Variants in TET3 observed in about 807,000 individuals in gnomAD.
The protein encoded by TET3 is tet methylcytosine dioxygenase 3.
In TET3, 19 loss-of-function variants were observed where a neutral mutation model predicts 141.4. The ratio of observed to expected loss-of-function variants is 0.13; its 90% CI spans 0.09 to 0.20. TET3 has a LOEUF of 0.20. Among genes scored for constraint, TET3 ranks in the 10% least tolerant of loss-of-function variants. The probability of loss-of-function intolerance (pLI) is 1.00; values close to 1 mark genes in which losing one functional copy is unlikely to be tolerated. For synonymous variants in TET3, 1,043 were observed against 980.9 expected (o/e 1.06, Z -1.18); for missense variants, 1,874 against 2,356.9 (o/e 0.80, Z 4.24).
At chr2:74,086,030 C>A (rs1317270815) in intron 6 of TET3, among the ~76,000 whole-genome samples, 1 of 152,218 alleles carries the variant, frequency 6.6e-6, no homozygotes, top group African/African-American at 2.4e-5. Flanking sequence ...TCTTGCCCTT[C>A]TCCCGATTTT....
intron 4 of TET3, among the ~76,000 whole-genome samples, chr2:74,070,587 C>T (rs941172283): frequency 1.8e-4 from 28 of 152,268 alleles, no homozygotes; most frequent in African/African-American, 3.4e-4. Flanking sequence ...ATTTTCATTG[C>T]GGAATATATT....
intron 6 of TET3, among the ~76,000 whole-genome samples, chr2:74,086,998 G>A (rs976776175): frequency 2.0e-5 from 3 of 151,804 alleles, no homozygotes; most frequent in African/African-American, 7.3e-5. Flanking sequence ...CCAGGCCCTC[G>A]TAAGCTCTAA....
At position 73,986,487 on chromosome 2, in the gene TET3, G is replaced by A. The variant is rs951080715; in HGVS notation, c.84G>A (p.Gly28=). 1 of 1,232,210 alleles carries A rather than the reference G, an allele frequency of 8.1e-7. No individual in the cohort carries two copies. The highest frequency in any genetic ancestry group is 1.0e-6 in the Non-Finnish European group (1 of 988,036). The allele number at this position is 1,232,210 out of a possible 1,614,324, so 76.3% of individuals were successfully genotyped here. A position where few individuals can be genotyped will look rare whatever the true frequency, so the allele number is the denominator to read the frequency against. ...YDFPQRQVMV[G]SFPGSGLSMA... The stretch of plus-strand genomic sequence containing the variant: ...TCCCTCAGCGCCAGGTGATGGTAGG[G>A]AGCTTCCCGGGGTCTGGGCTCTCCA... Residue 28 remains glycine (G), a synonymous_variant, in exon 2 of 12, where the codon GGG becomes GGA. Transcript: ENST00000409262.
At chr2:74,049,805 A>G (rs1687843879) in intron 4 of TET3, among the ~76,000 whole-genome samples, 1 of 152,146 alleles carries the variant, frequency 6.6e-6, no homozygotes. Context: ...AAGGAGTCAC[A>G]TGCAGAACAA....
intron 6 of TET3, among the ~76,000 whole-genome samples, chr2:74,085,918 C>T (rs1407676999): frequency 6.6e-6 from 1 of 152,238 alleles, no homozygotes; most frequent in Non-Finnish European, 1.5e-5. Flanking sequence ...GTCCCTCAGC[C>T]TCAGGAATCC....
At chr2:74,068,110 C>T (rs1421943115) in intron 4 of TET3, among the ~76,000 whole-genome samples, 3 of 151,970 alleles carry the variant, frequency 2.0e-5, no homozygotes, top group Non-Finnish European at 4.4e-5. Context: ...GAGTAGACGC[C>T]GTCAGTGGCA....
intron 2 of TET3, among the ~76,000 whole-genome samples, chr2:73,996,733 C>T (rs1416685092): frequency 6.6e-6 from 1 of 152,188 alleles, no homozygotes; most frequent in African/African-American, 2.4e-5. Context: ...GTCTTGAACT[C>T]CTGGACCTCA....
At chr2:74,043,551 T>G (rs1376323473) in intron 3 of TET3, among the ~76,000 whole-genome samples, 1 of 151,942 alleles carries the variant, frequency 6.6e-6, no homozygotes, top group East Asian at 1.9e-4. Context: ...TTCTATGTAG[T>G]AGGTAGGGGA....
intron 4 of TET3, among the ~76,000 whole-genome samples, chr2:74,064,076 T>C (rs1364626184): frequency 6.6e-6 from 1 of 152,150 alleles, no homozygotes; most frequent in Non-Finnish European, 1.5e-5. Context: ...TAATATCACA[T>C]TTCATCAGTT....
In TET3 at chr2:74,093,795, G is replaced by C. The variant is rs956284082; in HGVS notation, c.3267+129G>C. 2.4e-6 allele frequency: 3 copies of C among 1,255,456 alleles called. No individual in the cohort carries two copies. The African/African-American group carries it at 4.6e-5, about 19-fold the overall frequency. The allele number at this position is 1,255,456 out of a possible 1,614,324, so 77.8% of individuals were successfully genotyped here. On this transcript the variant is annotated intron_variant, in intron 10 of 11. Transcript: ENST00000409262. The surrounding 1 kb of genome is among the most constrained non-coding windows in gnomAD (Gnocchi z 4.2). ...GACAGGATCCTCAGAACTCTGGAAGGTTCCCTGCAAGACGGCCTGCCTTCG... is the reference window on the plus strand; with the variant it reads ...GACAGGATCCTCAGAACTCTGGAAGCTTCCCTGCAAGACGGCCTGCCTTCG...
chr2:74,125,629 A>T, the TET3 span, among the ~76,000 whole-genome samples: 15 of 152,264 alleles, frequency 9.9e-5, no homozygotes, highest in South Asian at 3.1e-3. Context: ...GAAGTGTGGC[A>T]TTGTGGAGGT....
chr2:74,045,094 C>G (rs1175686334), intron 3 of TET3, among the ~76,000 whole-genome samples: 1 of 152,166 alleles, frequency 6.6e-6, no homozygotes, highest in East Asian at 1.9e-4. Context: ...TCTGATGTTT[C>G]CTTGTGATTA....
At chr2:74,124,355 A>C in the TET3 span, among the ~76,000 whole-genome samples, 1 of 149,214 alleles carries the variant, frequency 6.7e-6, no homozygotes, top group Non-Finnish European at 1.5e-5. Context: ...CCGGGAGGTG[A>C]GGGTCGCCTC....
intron 3 of TET3, among the ~76,000 whole-genome samples, chr2:74,023,695 G>A (rs1385853295): frequency 6.6e-6 from 1 of 152,164 alleles, no homozygotes; most frequent in East Asian, 1.9e-4. Flanking sequence ...GATATTATCA[G>A]TATTTCTATG....
intron 4 of TET3, among the ~76,000 whole-genome samples, chr2:74,052,680 G>T (rs1202027555): frequency 6.6e-6 from 1 of 151,904 alleles, no homozygotes; most frequent in African/African-American, 2.4e-5. Context: ...GACCACCCTG[G>T]CCAGTATGGT....
At chr2:73,988,969 C>G (rs1406386738) in intron 2 of TET3, among the ~76,000 whole-genome samples, 5 of 135,426 alleles carry the variant, frequency 3.7e-5, no homozygotes, top group African/African-American at 1.1e-4. Context: ...TAACCAGTGC[C>G]TCTCTCTGAA....
Position 74,087,733 on chromosome 2 carries a change from A to AC in TET3, c.2680-95dup. The stretch of plus-strand genomic sequence containing the variant: ...ACATCCCTAGAACCCTGCCGTTAAG[A>AC]CCTGCACCCTGGGTCTGTGTGACAA... On this transcript the variant is annotated intron_variant, in intron 6 of 11. Coordinates refer to ENST00000409262, the MANE Select transcript of TET3 (RefSeq NM_001287491.2). The surrounding 1 kb of genome is among the most constrained non-coding windows in gnomAD (Gnocchi z 4.3). 1 of 1,248,582 alleles carries AC rather than the reference A, an allele frequency of 8.0e-7. No individual in the cohort carries two copies. The highest frequency in any genetic ancestry group is 1.5e-5 in the South Asian group (1 of 66,078). 77.3% of individuals were successfully genotyped at this position (1,248,582 alleles called of 1,614,324 possible). A position where few individuals can be genotyped will look rare whatever the true frequency, so the allele number is the denominator to read the frequency against.
chr2:74,102,224 C>A lies in TET3; in HGVS notation c.*48C>A. 1 of 1,396,262 alleles carries A rather than the reference C, an allele frequency of 7.2e-7. No homozygotes were observed. The highest frequency in any genetic ancestry group is 1.9e-5 in the South Asian group (1 of 52,194). The allele number at this position is 1,396,262 out of a possible 1,614,324, so 86.5% of individuals were successfully genotyped here. A position where few individuals can be genotyped will look rare whatever the true frequency, so the allele number is the denominator to read the frequency against. On this transcript the variant is annotated 3_prime_UTR_variant, in exon 12 of 12. Coordinates refer to ENST00000409262, the MANE Select transcript of TET3 (RefSeq NM_001287491.2). ...CAGCGTCGGGCCTGGCCCGAGCTGT[C>A]TCTGTGGTGCTTTTGCCCTCATACC...
intron 3 of TET3, among the ~76,000 whole-genome samples, chr2:74,043,632 G>A (rs1159151678): frequency 6.6e-6 from 1 of 152,210 alleles, no homozygotes; most frequent in African/African-American, 2.4e-5. Flanking sequence ...CAGGCAATGA[G>A]AACTGCGTGT....
Sources: allele counts gnomAD v4.1 joint callset (sites outside exome capture counted in the v4.1 genomes callset), GRCh38; gene constraint gnomAD v4.1.1; non-coding constraint Gnocchi (gnomAD v3.1); transcripts MANE v1.5; gene names NCBI Gene and HGNC (gene_info 2026-07-23, HGNC 2026-07-21).